TBC1D5: variants seen among roughly 807,000 people sequenced by gnomAD.
The protein encoded by TBC1D5 is TBC1 domain family, member 5.
A neutral mutation model predicts 100.3 loss-of-function variants in TBC1D5; 75 were observed. The observed-to-expected ratio is 0.75, with a 90% CI of 0.62 to 0.91. The LOEUF is 0.91. TBC1D5 is among the 40% of genes least tolerant of loss of function. TBC1D5 has a pLI of 0.00. For synonymous variants in TBC1D5, 323 were observed against 325.6 expected (o/e 0.99, Z 0.09); for missense variants, 910 against 942.4 (o/e 0.97, Z 0.45).
intron 3 of TBC1D5, among the ~76,000 whole-genome samples, chr3:17,482,583 G>A (rs533183893): frequency 2.7e-4 from 41 of 152,174 alleles, no homozygotes; most frequent in African/African-American, 8.7e-4. Context: ...ATTAAAATTC[G>A]TTTGAGTGTC....
At chr3:17,271,537 A>G (rs2079425685) in intron 15 of TBC1D5, among the ~76,000 whole-genome samples, 1 of 152,194 alleles carries the variant, frequency 6.6e-6, no homozygotes, top group Admixed American at 6.6e-5. Flanking sequence ...GTATAGCATC[A>G]TATTGCCAGA....
intron 18 of TBC1D5, among the ~76,000 whole-genome samples, chr3:17,192,697 G>C (rs994600245): frequency 5.3e-5 from 8 of 152,210 alleles, no homozygotes; most frequent in African/African-American, 1.9e-4. Flanking sequence ...TATCATTTCA[G>C]AACTGGAAAT....
intron 2 of TBC1D5, among the ~76,000 whole-genome samples, chr3:17,557,693 G>A (rs2096531063): frequency 6.6e-6 from 1 of 152,104 alleles, no homozygotes; most frequent in South Asian, 2.1e-4. Context: ...TGGGACAACA[G>A]ACACATGCAA....
chr3:17,522,196 G>A (rs186647034), intron 2 of TBC1D5, among the ~76,000 whole-genome samples: 15 of 151,984 alleles, frequency 9.9e-5, no homozygotes, highest in Admixed American at 4.6e-4. Context: ...CTGACTTGGG[G>A]GTTTCTCTCA....
intron 8 of TBC1D5, among the ~76,000 whole-genome samples, chr3:17,399,275 A>T (rs766862240): frequency 2.6e-5 from 4 of 152,102 alleles, no homozygotes; most frequent in Non-Finnish European, 5.9e-5. Context: ...TAGAGTGATT[A>T]GGCTGTTAAC....
At chr3:17,411,901 C>G (rs2093936400) in intron 4 of TBC1D5, among the ~76,000 whole-genome samples, 1 of 152,128 alleles carries the variant, frequency 6.6e-6, no homozygotes, top group African/African-American at 2.4e-5. Context: ...GGCATAACAT[C>G]TCAAACTGAT....
intron 13 of TBC1D5, among the ~76,000 whole-genome samples, chr3:17,358,034 C>T (rs2151825572): frequency 6.6e-6 from 1 of 152,192 alleles, no homozygotes; most frequent in Middle Eastern, 3.4e-3. Context: ...TTCTGTACCT[C>T]CCCCCACAAC....
chr3:17,456,232 G>A (rs960431723), intron 3 of TBC1D5, among the ~76,000 whole-genome samples: 6 of 152,144 alleles, frequency 3.9e-5, no homozygotes, highest in African/African-American at 1.4e-4. Flanking sequence ...CCAGGACATT[G>A]GTCTGGGCAA....
At chr3:17,324,512 T>A (rs2085839769) in intron 13 of TBC1D5, among the ~76,000 whole-genome samples, 1 of 152,000 alleles carries the variant, frequency 6.6e-6, no homozygotes. Flanking sequence ...GGTGTAGTGG[T>A]GGGCATCTGT....
At chr3:17,202,008 T>C (rs1346791994) in intron 18 of TBC1D5, among the ~76,000 whole-genome samples, 2 of 152,086 alleles carry the variant, frequency 1.3e-5, no homozygotes, top group African/African-American at 4.8e-5. Context: ...TTGGAACAGT[T>C]TGGAGAGCTC....
At chr3:17,414,638 C>T (rs10510476) in intron 4 of TBC1D5, among the ~76,000 whole-genome samples, 3,410 of 152,188 alleles carry the variant, frequency 0.022, 120 homozygotes, top group African/African-American at 0.077. Context: ...TAAGCTACAA[C>T]ATTAGGACTG....
At chr3:17,503,492 C>T (rs540565758) in intron 3 of TBC1D5, among the ~76,000 whole-genome samples, 1 of 149,456 alleles carries the variant, frequency 6.7e-6, no homozygotes, top group Non-Finnish European at 1.5e-5. Context: ...GTTTTATTTC[C>T]AGCACTTAGA....
rs188676499 is a variant in TBC1D5 at position 17,294,141 on chromosome 3, T to C, written c.1139-2140A>G. On this transcript the variant is annotated intron_variant, in intron 14 of 21. Coordinates refer to ENST00000253692, the Ensembl canonical transcript of TBC1D5. ...TACTCTAGTGAAGCAGTTTTAAGTA[T>C]ACTAGAAGATCAGCATAAACCAATC... 2.2e-4 allele frequency among the ~76,000 whole-genome samples: 34 copies of C among 152,366 alleles called. No homozygotes were observed. The East Asian group carries it at 6.6e-3, about 29-fold the overall frequency.
intron 2 of TBC1D5, among the ~76,000 whole-genome samples, chr3:17,554,855 T>TGC (rs1259192110): frequency 2.6e-5 from 4 of 151,872 alleles, no homozygotes; most frequent in African/African-American, 9.7e-5. Context: ...GCTTTTTTTT[T>TGC]TTCTTTTTTT....
intron 1 of TBC1D5, among the ~76,000 whole-genome samples, chr3:17,726,318 C>T (rs552884912): frequency 6.6e-6 from 1 of 152,328 alleles, no homozygotes; most frequent in Non-Finnish European, 1.5e-5. Context: ...AACTAATTTA[C>T]ATTCCCACCA....
intron 9 of TBC1D5, among the ~76,000 whole-genome samples, chr3:17,380,022 A>G (rs2092873190): frequency 6.8e-6 from 1 of 146,562 alleles, no homozygotes; most frequent in South Asian, 2.2e-4. Flanking sequence ...GTAAGAATGG[A>G]CACTGTACAG....
chr3:17,345,791 ATCAT>A (rs1006571012), intron 13 of TBC1D5, among the ~76,000 whole-genome samples: 15 of 152,336 alleles, frequency 9.8e-5, no homozygotes, highest in Middle Eastern at 3.4e-3. Context: ...GAAATTGGAA[ATCAT>A]CATTCTCAGC....
chr3:17,723,594 G>A (rs1029567084), intron 1 of TBC1D5, among the ~76,000 whole-genome samples: 3 of 152,012 alleles, frequency 2.0e-5, no homozygotes, highest in East Asian at 1.9e-4. Flanking sequence ...GAACAACATG[G>A]GTTTGAACTC....
chr3:17,468,315 C>T (rs2095333008), intron 3 of TBC1D5, among the ~76,000 whole-genome samples: 1 of 152,120 alleles, frequency 6.6e-6, no homozygotes, highest in Non-Finnish European at 1.5e-5. Flanking sequence ...TTGCTATTTC[C>T]TCAGTTTGGA....
Sources: allele counts gnomAD v4.1 joint callset (sites outside exome capture counted in the v4.1 genomes callset), GRCh38; gene constraint gnomAD v4.1.1; transcripts MANE v1.5; gene names NCBI Gene and HGNC (gene_info 2026-07-23, HGNC 2026-07-21).